Variants in MCPH1 observed in about 807,000 individuals in gnomAD.
The protein encoded by MCPH1 is microcephalin 1.
In MCPH1, 104 loss-of-function variants were observed where a neutral mutation model predicts 84.5. That is an observed-to-expected ratio of 1.23 (90% CI 1.05 to 1.45). MCPH1 has a LOEUF of 1.45. Among genes scored for constraint, MCPH1 ranks in the 40% most tolerant of loss-of-function variants. The pLI is 0.00. For synonymous variants in MCPH1, 514 were observed against 366.8 expected (o/e 1.40, Z -4.58); for missense variants, 1,498 against 1,005.7 (o/e 1.49, Z -6.62).
chr8:6,445,338 A>G lies in MCPH1; in HGVS notation c.1616A>G (p.Asp539Gly), dbSNP rs587783734. 1.2e-4 allele frequency: 191 copies of G among 1,614,260 alleles called. 3 individuals are homozygous for G. In the South Asian group the frequency reaches 1.8e-3, roughly 16 times the overall value. The change falls in exon 8 of 14, where the codon GAT becomes GGT. Residue 539 changes from aspartate (D) to glycine (G), a missense_variant. Asp to Gly is a moderately conservative substitution (Grantham distance 94). Coordinates refer to ENST00000344683, the MANE Select transcript of MCPH1 (RefSeq NM_024596.5). ...IEDPALPKGH[D>G]DDLTPLEGSL... ...GACCCTGCTCTTCCAAAAGGACATG[A>G]TGATGATTTAACTCCTTTGGAAGGA... is the stretch of plus-strand genomic sequence containing the variant.
Position 6,411,221 on chromosome 8 carries a change from G to A in MCPH1, c.114+1851G>A, listed in dbSNP as rs566449305. ...TGGTTGCAGCCTGTTTGAACTGTACGGGTGCTGCCCCAAGTTCCTGAAAAG... is the reference window on the plus strand; with the variant it reads ...TGGTTGCAGCCTGTTTGAACTGTACAGGTGCTGCCCCAAGTTCCTGAAAAG... On this transcript the variant is annotated intron_variant, in intron 2 of 13. Transcript: ENST00000344683. Among the ~76,000 whole-genome samples the A allele has an allele frequency of 5.9e-5, 9 of 152,244 alleles. No individual in the cohort carries two copies. The South Asian group carries it at 1.2e-3, about 21-fold the overall frequency.
At chr8:6,603,215 G>A (rs1227769808) in intron 12 of MCPH1, among the ~76,000 whole-genome samples, 2 of 152,100 alleles carry the variant, frequency 1.3e-5, no homozygotes, top group East Asian at 1.9e-4. Flanking sequence ...TCATAGGAAT[G>A]TGCTTATTTT....
intron 12 of MCPH1, among the ~76,000 whole-genome samples, chr8:6,574,601 A>G (rs1357380827): frequency 6.6e-6 from 1 of 152,260 alleles, no homozygotes; most frequent in Non-Finnish European, 1.5e-5. Context: ...AAAGAAGAAA[A>G]TCTTGCAGAT....
chr8:6,601,808 A>G (rs1829399664), intron 12 of MCPH1, among the ~76,000 whole-genome samples: 1 of 140,108 alleles, frequency 7.1e-6, no homozygotes. Context: ...CACACACACA[A>G]GCCTTTCCTA....
At chr8:6,621,047 C>A in intron 12 of MCPH1, 1 of 302,518 alleles carries the variant, frequency 3.3e-6, no homozygotes, top group Non-Finnish European at 6.3e-6. Context: ...TTGAATGACG[C>A]TCTCCCAGCA....
chr8:6,424,361 A>T (rs1800729940), intron 3 of MCPH1, among the ~76,000 whole-genome samples: 1 of 152,172 alleles, frequency 6.6e-6, no homozygotes, highest in African/African-American at 2.4e-5. Flanking sequence ...TGCTGACCGA[A>T]GGCCATCACC....
chr8:6,536,787 A>G (rs1370656849), intron 12 of MCPH1, among the ~76,000 whole-genome samples: 1 of 152,182 alleles, frequency 6.6e-6, no homozygotes, highest in Non-Finnish European at 1.5e-5. Flanking sequence ...ACTTGGATAG[A>G]CAGACCTTGA....
chr8:6,496,398 TC>T (rs1442768403), intron 11 of MCPH1, among the ~76,000 whole-genome samples: 3 of 152,180 alleles, frequency 2.0e-5, no homozygotes, highest in Non-Finnish European at 2.9e-5. Flanking sequence ...CACCCACCAC[TC>T]ACCTCCTGCT....
At chr8:6,514,657 G>A (rs1342654654) in intron 12 of MCPH1, 10 of 1,597,110 alleles carry the variant, frequency 6.3e-6, no homozygotes, top group African/African-American at 1.3e-5. Context: ...CTTTTCTGAT[G>A]CCTTAAAGAA....
At chr8:6,562,601 T>G (rs770662100) in intron 12 of MCPH1, 7 of 760,052 alleles carry the variant, frequency 9.2e-6, no homozygotes, top group East Asian at 1.1e-4. Flanking sequence ...GCTGCCAAGC[T>G]GATCTTAATA....
At chr8:6,589,862 A>C (rs1828299262) in intron 12 of MCPH1, among the ~76,000 whole-genome samples, 1 of 152,246 alleles carries the variant, frequency 6.6e-6, no homozygotes, top group Non-Finnish European at 1.5e-5. Context: ...GATACAGCAG[A>C]ATATATCAGA....
At chr8:6,477,571 T>A (rs1421821689) in intron 9 of MCPH1, 23 bp from the exon 10 acceptor site, 1 of 1,608,390 alleles carries the variant, frequency 6.2e-7, no homozygotes, top group Non-Finnish European at 8.5e-7. Context: ...TGTTTTTTGT[T>A]CCTTCTTGTT....
chr8:6,562,668 G>A, intron 12 of MCPH1: 1 of 1,566,590 alleles, frequency 6.4e-7, no homozygotes, highest in Non-Finnish European at 8.7e-7. Context: ...ACTGAGTGTT[G>A]TTTTCCATGA....
rs1799061248 is a variant in MCPH1 at position 6,414,974 on chromosome 8, G to C, written c.233+91G>C. ...TTCACAGATCGCAGAACCAGATAAA[G>C]TTTGATTTTCATCTTTTCTCTGCCT... On this transcript the variant is annotated intron_variant, in intron 3 of 13. Transcript: ENST00000344683. 3.7e-6 allele frequency: 5 copies of C among 1,349,834 alleles called. No homozygotes were observed. In the East Asian group the frequency reaches 9.7e-5, roughly 26 times the overall value. The allele number at this position is 1,349,834 out of a possible 1,614,324, so 83.6% of individuals were successfully genotyped here. A position where few individuals can be genotyped will look rare whatever the true frequency, so the allele number is the denominator to read the frequency against.
intron 12 of MCPH1, among the ~76,000 whole-genome samples, chr8:6,583,414 G>A (rs753047487): frequency 4.6e-5 from 7 of 152,162 alleles, no homozygotes; most frequent in Non-Finnish European, 1.0e-4. Context: ...GCGCTGCAAG[G>A]CACTGGCTGT....
At chr8:6,441,343 T>C (rs1563212012) in intron 6 of MCPH1, among the ~76,000 whole-genome samples, 1 of 152,252 alleles carries the variant, frequency 6.6e-6, no homozygotes, top group African/African-American at 2.4e-5. Flanking sequence ...CAGTACAGTT[T>C]AAAACTTAAC....
intron 13 of MCPH1, among the ~76,000 whole-genome samples, chr8:6,623,011 TTC>T (rs1831626981): frequency 8.7e-6 from 1 of 115,060 alleles, no homozygotes; most frequent in Non-Finnish European, 1.9e-5. Context: ...CAGCTTTACT[TTC>T]TTTTTTTTTT....
chr8:6,535,671 G>A (rs58802159), intron 12 of MCPH1, among the ~76,000 whole-genome samples: 5,559 of 152,202 alleles, frequency 0.037, 350 homozygotes, highest in African/African-American at 0.13. Context: ...GATACTGACT[G>A]CATTGCTAAT....
chr8:6,414,357 T>A (rs954073671), intron 2 of MCPH1, among the ~76,000 whole-genome samples: 1 of 152,258 alleles, frequency 6.6e-6, no homozygotes, highest in Non-Finnish European at 1.5e-5. Flanking sequence ...TGGTTAAATA[T>A]GTGTTCTGTT....
Sources: gnomAD v4.1 joint callset for allele counts (sites outside exome capture counted in the v4.1 genomes callset) on GRCh38, gnomAD v4.1.1 for gene constraint, MANE v1.5 for transcripts, NCBI Gene and HGNC (gene_info 2026-07-23, HGNC 2026-07-21) for gene names.